Variants in UNC5A observed in about 807,000 individuals in gnomAD.
UNC5A encodes the protein unc-5 netrin receptor A.
Under a neutral mutation model 87.4 loss-of-function variants are expected in UNC5A, and 20 were observed. That is an observed-to-expected ratio of 0.23 (90% CI 0.16 to 0.33). The LOEUF is 0.33. Ranked by LOEUF, UNC5A falls within the 10% of genes least tolerant of loss-of-function variation. UNC5A has a pLI of 1.00. For missense variants in UNC5A, 844 were observed against 1,133.4 expected (o/e 0.74, Z 3.67); for synonymous variants, 438 against 482.3 (o/e 0.91, Z 1.20).
At chr5:176,836,240 G>C (rs1340852767) in intron 1 of UNC5A, among the ~76,000 whole-genome samples, 1 of 152,184 alleles carries the variant, frequency 6.6e-6, no homozygotes, top group Non-Finnish European at 1.5e-5. Context: ...TGATGCGAAG[G>C]GGAGATTGCA....
intron 1 of UNC5A, among the ~76,000 whole-genome samples, chr5:176,839,322 G>A (rs533307156): frequency 2.0e-5 from 3 of 152,404 alleles, no homozygotes; most frequent in East Asian, 3.9e-4. Context: ...ATCGGAAGAA[G>A]ATGAACTGAA....
intron 4 of UNC5A, 41 bp downstream of exon 4, chr5:176,868,705 T>G: frequency 6.3e-7 from 1 of 1,589,906 alleles, no homozygotes; most frequent in Non-Finnish European, 8.6e-7. Flanking sequence ...CCTGGGCTCC[T>G]GCCTGGTCAC....
In UNC5A at chr5:176,826,543, G is replaced by A. The variant is rs1417744422; in HGVS notation, c.70+15723G>A. Among the ~76,000 whole-genome samples, 6 of 151,128 alleles carry A rather than the reference G, an allele frequency of 4.0e-5. No individual in the cohort carries two copies. In the East Asian group the frequency reaches 5.8e-4, roughly 15 times the overall value. On this transcript the variant is annotated intron_variant, in intron 1 of 14. Coordinates refer to ENST00000329542, the MANE Select transcript of UNC5A (RefSeq NM_133369.3). Reference sequence around the variant, plus strand: ...ATTTTTTAATCAAGGTGAAATTCACGTAACATAAAATTAACCGTTTTAAGT... The same window carrying A: ...ATTTTTTAATCAAGGTGAAATTCACATAACATAAAATTAACCGTTTTAAGT...
chr5:176,853,299 C>T (rs560747391), intron 1 of UNC5A, among the ~76,000 whole-genome samples: 3 of 152,348 alleles, frequency 2.0e-5, no homozygotes, highest in East Asian at 3.9e-4. Flanking sequence ...AAGAAGGAGC[C>T]TGTGAGCAGT....
chr5:176,825,637 G>A (rs185427067), intron 1 of UNC5A, among the ~76,000 whole-genome samples: 16 of 152,302 alleles, frequency 1.1e-4, no homozygotes, highest in African/African-American at 3.6e-4. Flanking sequence ...GAGCACTGGC[G>A]ATGTACTTGC....
intron 1 of UNC5A, among the ~76,000 whole-genome samples, chr5:176,819,158 C>T (rs1051617492): frequency 5.9e-5 from 9 of 152,180 alleles, no homozygotes; most frequent in Admixed American, 6.5e-5. Flanking sequence ...CCTCCCCAGC[C>T]CTCTCAGCTG....
intron 1 of UNC5A, among the ~76,000 whole-genome samples, chr5:176,815,273 G>C (rs1184483945): frequency 6.6e-6 from 1 of 152,192 alleles, no homozygotes; most frequent in Non-Finnish European, 1.5e-5. Context: ...GCCCAACCAC[G>C]CTCAGACAGG....
At position 176,824,539 on chromosome 5, in the gene UNC5A, C is replaced by T. The variant is rs532811563; in HGVS notation, c.70+13719C>T. 3.3e-5 allele frequency among the ~76,000 whole-genome samples: 5 copies of T among 151,582 alleles called. No individual in the cohort carries two copies. Among genetic ancestry groups the T allele is most frequent in the South Asian group, 2.1e-4 (1 of 4,784 alleles). On this transcript the variant is annotated intron_variant, in intron 1 of 14. Coordinates refer to ENST00000329542, the MANE Select transcript of UNC5A (RefSeq NM_133369.3). The surrounding 1 kb of genome is among the most constrained non-coding windows in gnomAD (Gnocchi z 4.2). ...GCAGGCAGGGCATTTAGCCCCCACG[C>T]GGCAGATAGAACATTCTAAAAAAAA... is the stretch of plus-strand genomic sequence containing the variant.
At chr5:176,843,625 G>A (rs72811290) in intron 1 of UNC5A, among the ~76,000 whole-genome samples, 1 of 152,384 alleles carries the variant, frequency 6.6e-6, no homozygotes, top group Non-Finnish European at 1.5e-5. Flanking sequence ...CCGGGGTGTA[G>A]TAAGTATGGA....
At chr5:176,812,076 C>T (rs191396105) in intron 1 of UNC5A, among the ~76,000 whole-genome samples, 55 of 152,250 alleles carry the variant, frequency 3.6e-4, no homozygotes, top group African/African-American at 1.3e-3. Context: ...CATCCCACCC[C>T]TTCTATCTCC....
intron 1 of UNC5A, among the ~76,000 whole-genome samples, chr5:176,862,049 C>A (rs1757853575): frequency 1.3e-5 from 2 of 152,254 alleles, no homozygotes; most frequent in South Asian, 2.1e-4. Flanking sequence ...ATATTCAGGT[C>A]TCCTTGAAGG....
Position 176,870,363 on chromosome 5 carries a change from C to A in UNC5A, c.722-7C>A. 1 of 1,610,792 alleles carries A rather than the reference C, an allele frequency of 6.2e-7. No individual in the cohort carries two copies. Among genetic ancestry groups the A allele is most frequent in the South Asian group, 1.1e-5 (1 of 90,990 alleles). ...CACCGTCTCCTCTCTGCTTGTCTCT[C>A]ATCTAGTGGACGGCAGCTGGAGCCC... On this transcript the variant is annotated splice_region_variant and splice_polypyrimidine_tract_variant and intron_variant, in intron 5 of 14. Coordinates refer to ENST00000329542, the MANE Select transcript of UNC5A (RefSeq NM_133369.3).
At chr5:176,843,161 C>CAAAA (rs546212256) in intron 1 of UNC5A, among the ~76,000 whole-genome samples, 2 of 90,228 alleles carry the variant, frequency 2.2e-5, no homozygotes, top group Non-Finnish European at 5.1e-5. Flanking sequence ...AACTCTGTCT[C>CAAAA]AAAAAAAAAA....
Position 176,868,833 on chromosome 5 carries a change from A to G in UNC5A, c.590A>G (p.Asn197Ser), listed in dbSNP as rs776515313. 14 of 1,612,282 alleles carry G rather than the reference A, an allele frequency of 8.7e-6. No individual in the cohort carries two copies. The highest frequency in any genetic ancestry group is 1.7e-5 in the Admixed American group (1 of 59,976). Residue 197 changes from asparagine to serine, a missense_variant, in exon 5 of 15, where the codon AAT becomes AGT. By Grantham distance (46) the Asn-to-Ser change is conservative. This residue lies in a region of UNC5A where 314 missense variants were observed against 466.5 expected (regional missense o/e 0.67). Coordinates refer to ENST00000329542, the MANE Select transcript of UNC5A (RefSeq NM_133369.3). ...EDLVDPSLDP[N>S]VYITREHSLV... ...CTGGTGGACCCGTCCCTGGACCCCA[A>G]TGTATACATCACGCGGGAGCACAGC...
intron 1 of UNC5A, among the ~76,000 whole-genome samples, chr5:176,846,828 G>A (rs115095685): frequency 0.012 from 1,858 of 152,322 alleles, 24 homozygotes; most frequent in South Asian, 0.028. Flanking sequence ...GGAGGGAGCT[G>A]GGGCTGCTGG....
Position 176,878,026 on chromosome 5 carries a change from G to A in UNC5A, c.1768G>A (p.Ala590Thr), listed in dbSNP as rs146118770. ...GGGAGAGGCCCTCAGCGTGGCTGCC[G>A]CCAAGCGCCTCAAGCTGCTTCTGTT... ...LVGEALSVAAAKRLKLLLFAP... is the reference protein window; with the variant it reads ...LVGEALSVAATKRLKLLLFAP... The change falls in exon 11 of 15, where the codon GCC becomes ACC. Residue 590 changes from alanine to threonine, a missense_variant. By Grantham distance (58) the Ala-to-Thr change is moderately conservative. Transcript: ENST00000329542. 4.6e-4 allele frequency: 737 copies of A among 1,608,120 alleles called. 3 individuals carry two copies. The highest frequency in any genetic ancestry group is 2.4e-3 in the South Asian group (223 of 91,086).
intron 1 of UNC5A, among the ~76,000 whole-genome samples, chr5:176,855,886 C>A (rs1394147642): frequency 6.6e-6 from 1 of 152,230 alleles, no homozygotes; most frequent in African/African-American, 2.4e-5. Context: ...CATTTCACAT[C>A]CAGAACAGCT....
In UNC5A at chr5:176,838,326, T is replaced by G. The variant is rs759595010; in HGVS notation, c.71-24298T>G. On this transcript the variant is annotated intron_variant, in intron 1 of 14. Transcript: ENST00000329542. This position sits in a 1 kb window ranked among gnomAD's most constrained non-coding sequence, Gnocchi z 4.2. ...GTTCCCCAATGCCTATAGAAATAAATAGTAGTTCCCCAACCTGTCATTCAA... is the reference window on the plus strand; with the variant it reads ...GTTCCCCAATGCCTATAGAAATAAAGAGTAGTTCCCCAACCTGTCATTCAA... Among the ~76,000 whole-genome samples the G allele has an allele frequency of 1.3e-5, 2 of 152,156 alleles. No individual in the cohort carries two copies. Among genetic ancestry groups the G allele is most frequent in the African/African-American group, 2.4e-5 (1 of 41,426 alleles).
chr5:176,870,305 GC>G, intron 5 of UNC5A, 64 bp from the exon 6 acceptor site: 1 of 1,570,214 alleles, frequency 6.4e-7, no homozygotes, highest in South Asian at 1.2e-5. Flanking sequence ...GGCCACACTG[GC>G]AGACTGCCGG....
Sources: gnomAD v4.1 joint callset for allele counts (sites outside exome capture counted in the v4.1 genomes callset) on GRCh38, gnomAD v4.1.1 for gene constraint, gnomAD v4.1.1 regional missense constraint, Gnocchi (gnomAD v3.1) non-coding constraint, MANE v1.5 for transcripts, NCBI Gene and HGNC (gene_info 2026-07-23, HGNC 2026-07-21) for gene names.